VAT1L: variants seen among roughly 807,000 people sequenced by gnomAD.
The protein encoded by VAT1L is vesicle amine transport 1 like.
Under a neutral mutation model 44.1 loss-of-function variants are expected in VAT1L, and 34 were observed. That is an observed-to-expected ratio of 0.77 (90% CI 0.59 to 1.03). The LOEUF (loss-of-function observed/expected upper bound fraction) is 1.03. Among genes scored for constraint, VAT1L ranks in the 50% least tolerant of loss-of-function variants. The pLI is 0.00. For missense variants in VAT1L, 615 were observed against 538.8 expected, an observed-to-expected ratio of 1.14 and a Z score of -1.40; for synonymous variants, 253 against 202.2, an observed-to-expected ratio of 1.25 and a Z score of -2.13.
At chr16:77,873,766 G>A (rs78477951) in intron 4 of VAT1L, among the ~76,000 whole-genome samples, 5,300 of 152,240 alleles carry the variant, frequency 0.035, 236 homozygotes, top group African/African-American at 0.091. Flanking sequence ...ATCGTATGTG[G>A]GTGAGGTCTG....
chr16:77,964,953 G>C (rs902835399), intron 7 of VAT1L, among the ~76,000 whole-genome samples: 1 of 151,896 alleles, frequency 6.6e-6, no homozygotes, highest in Non-Finnish European at 1.5e-5. Context: ...ACCATGCCCG[G>C]CTAATTTTGT....
chr16:77,817,927 C>A (rs1487798039), intron 2 of VAT1L, among the ~76,000 whole-genome samples: 1 of 152,142 alleles, frequency 6.6e-6, no homozygotes, highest in Non-Finnish European at 1.5e-5. Flanking sequence ...ATAATCAGAA[C>A]CATGGAGAAG....
intron 7 of VAT1L, among the ~76,000 whole-genome samples, chr16:77,917,666 G>A (rs960810738): frequency 3.9e-5 from 6 of 152,152 alleles, no homozygotes; most frequent in Admixed American, 2.0e-4. Context: ...ATGGAGTAGC[G>A]ATTAAGATTC....
intron 7 of VAT1L, among the ~76,000 whole-genome samples, chr16:77,916,278 C>A (rs922787765): frequency 6.6e-6 from 1 of 152,148 alleles, no homozygotes. Context: ...CTTGGAAATG[C>A]TGCCTCCTCT....
At chr16:77,877,837 A>C (rs532736008) in intron 5 of VAT1L, among the ~76,000 whole-genome samples, 7 of 152,296 alleles carry the variant, frequency 4.6e-5, no homozygotes, top group African/African-American at 1.7e-4. Context: ...GAGGCAGGTA[A>C]ACATCCCATT....
chr16:77,941,147 A>G (rs1111290), intron 7 of VAT1L, among the ~76,000 whole-genome samples: 34,831 of 152,062 alleles, frequency 0.23, 5,026 homozygotes, highest in Non-Finnish European at 0.31. Context: ...ATGTCAGTTA[A>G]TATGTTTCTT....
chr16:77,950,488 A>C (rs185219149), intron 7 of VAT1L, among the ~76,000 whole-genome samples: 4 of 151,376 alleles, frequency 2.6e-5, no homozygotes, highest in Admixed American at 1.3e-4. Flanking sequence ...ACTAGCCCTA[A>C]CCCTATTACT....
intron 3 of VAT1L, among the ~76,000 whole-genome samples, chr16:77,843,402 G>A (rs1373061195): frequency 6.6e-6 from 1 of 152,084 alleles, no homozygotes; most frequent in Non-Finnish European, 1.5e-5. Flanking sequence ...CCAACAGAAG[G>A]TTGACCCCCA....
intron 7 of VAT1L, among the ~76,000 whole-genome samples, chr16:77,963,405 C>T (rs139653518): frequency 6.2e-4 from 95 of 152,114 alleles, no homozygotes; most frequent in African/African-American, 2.1e-3. Context: ...CTTCTAAAGA[C>T]GGGAAAGTCA....
chr16:77,832,704 G>A (rs1307384424), intron 3 of VAT1L, among the ~76,000 whole-genome samples: 1 of 152,186 alleles, frequency 6.6e-6, no homozygotes, highest in Admixed American at 6.5e-5. Flanking sequence ...TTATGGATGA[G>A]GCATTTCCCA....
At chr16:77,956,387 C>T (rs1209409705) in intron 7 of VAT1L, among the ~76,000 whole-genome samples, 1 of 152,180 alleles carries the variant, frequency 6.6e-6, no homozygotes, top group Non-Finnish European at 1.5e-5. Flanking sequence ...GCCTGACAAA[C>T]TCCCACTTAC....
At chr16:77,805,452 C>A (rs1280273628) in intron 1 of VAT1L, among the ~76,000 whole-genome samples, 1 of 152,172 alleles carries the variant, frequency 6.6e-6, no homozygotes, top group Non-Finnish European at 1.5e-5. Context: ...GAAAATTAAT[C>A]AAACATCTGC....
chr16:77,850,817 G>A (rs142398363), intron 3 of VAT1L, among the ~76,000 whole-genome samples: 156 of 152,288 alleles, frequency 1.0e-3, no homozygotes, highest in Admixed American at 7.5e-3. Context: ...CAGCCAGCCT[G>A]GAAGTGACTC....
At chr16:77,870,039 G>A (rs964757881) in intron 4 of VAT1L, among the ~76,000 whole-genome samples, 1 of 152,194 alleles carries the variant, frequency 6.6e-6, no homozygotes, top group African/African-American at 2.4e-5. Context: ...GGATCTAGAA[G>A]GCATTCCTGG....
chr16:77,931,151 C>G (rs1009145769), intron 7 of VAT1L, among the ~76,000 whole-genome samples: 2 of 152,058 alleles, frequency 1.3e-5, no homozygotes, highest in African/African-American at 4.8e-5. Flanking sequence ...ATTGCCTCCT[C>G]GATAGAATTA....
intron 2 of VAT1L, 90 bp downstream of exon 2, chr16:77,817,140 C>T (rs1221764216): frequency 6.6e-7 from 1 of 1,516,144 alleles, no homozygotes; most frequent in Non-Finnish European, 8.9e-7. Context: ...TCTGAAATAA[C>T]CTATGGCGTG....
At position 77,836,417 on chromosome 16, in the gene VAT1L, G is replaced by C. The variant is rs567898080; in HGVS notation, c.579+10956G>C. ...AAAGAGAACTAAATGGCTTTATCAT[G>C]TCTTTCATGAATAATCAAAGCGATG... is the stretch of plus-strand genomic sequence containing the variant. On this transcript the variant is annotated intron_variant, in intron 3 of 8. Transcript: ENST00000302536. Among the ~76,000 whole-genome samples the C allele has an allele frequency of 3.0e-4, 46 of 152,278 alleles. 1 individual carries two copies. The South Asian group carries it at 9.3e-3, about 31-fold the overall frequency.
intron 1 of VAT1L, among the ~76,000 whole-genome samples, chr16:77,804,220 T>G (rs1054252014): frequency 2.0e-5 from 3 of 152,176 alleles, no homozygotes; most frequent in Non-Finnish European, 4.4e-5. Flanking sequence ...TTGGTCAACA[T>G]CAAACATGGA....
At chr16:77,813,817 C>A (rs2016306913) in intron 1 of VAT1L, among the ~76,000 whole-genome samples, 1 of 152,118 alleles carries the variant, frequency 6.6e-6, no homozygotes, top group Non-Finnish European at 1.5e-5. Flanking sequence ...GGAATGGGTT[C>A]CCGTCTAGAT....
Sources: gnomAD v4.1 joint callset for allele counts (sites outside exome capture counted in the v4.1 genomes callset) on GRCh38, gnomAD v4.1.1 for gene constraint, MANE v1.5 for transcripts, NCBI Gene and HGNC (gene_info 2026-07-23, HGNC 2026-07-21) for gene names.